The following NDST1 variants were observed in gnomAD, a reference collection of about 807,000 sequenced individuals.
The protein encoded by NDST1 is N-deacetylase and N-sulfotransferase 1.
NDST1 carries 35 observed loss-of-function variants against 92.8 expected under a neutral mutation model. The ratio of observed to expected loss-of-function variants is 0.38; its 90% CI spans 0.29 to 0.50. The LOEUF is 0.50. NDST1 is among the 20% of genes least tolerant of loss of function. The pLI, the probability that NDST1 is intolerant of heterozygous loss-of-function variation, is 0.94. For synonymous variants in NDST1, 493 were observed against 500.3 expected (o/e 0.99, Z 0.19); for missense variants, 822 against 1,182.7 (o/e 0.69, Z 4.47).
intron 1 of NDST1, among the ~76,000 whole-genome samples, chr5:150,516,306 T>G (rs1230447797): frequency 6.6e-6 from 1 of 152,184 alleles, no homozygotes; most frequent in East Asian, 1.9e-4. Flanking sequence ...TGAAAGTGCT[T>G]CGTGAGCTAA....
intron 1 of NDST1, among the ~76,000 whole-genome samples, chr5:150,512,646 A>T (rs1217011035): frequency 6.6e-6 from 1 of 152,160 alleles, no homozygotes; most frequent in East Asian, 1.9e-4. Context: ...TACTAATTTG[A>T]TATGTGGCCT....
intron 2 of NDST1, among the ~76,000 whole-genome samples, chr5:150,524,347 G>A (rs559935147): frequency 3.3e-5 from 5 of 152,224 alleles, no homozygotes; most frequent in East Asian, 3.9e-4. Flanking sequence ...CACTGTGTCC[G>A]TCTTGTGGCC....
At chr5:150,539,958 C>G in intron 7 of NDST1, 124 bp from the exon 8 acceptor site, 1 of 1,337,250 alleles carries the variant, frequency 7.5e-7, no homozygotes, top group Non-Finnish European at 1.1e-6. Flanking sequence ...ACAGCGCCAG[C>G]GTAACTTCCA....
Position 150,520,962 on chromosome 5 carries a change from C to T in NDST1, c.-293C>T, listed in dbSNP as rs1754220124. ...CTGCTGCCCTGCACCCCCAGAAGGCCCTGACGCCCTGGGGCACTTCTGCTC... is the reference window on the plus strand; with the variant it reads ...CTGCTGCCCTGCACCCCCAGAAGGCTCTGACGCCCTGGGGCACTTCTGCTC... On this transcript the variant is annotated 5_prime_UTR_variant, in exon 2 of 15. Coordinates refer to ENST00000261797, the MANE Select transcript of NDST1 (RefSeq NM_001543.5). 3 of 556,934 alleles carry T rather than the reference C, an allele frequency of 5.4e-6. No homozygotes were observed. The highest frequency in any genetic ancestry group is 2.6e-5 in the South Asian group (1 of 38,892). The allele number at this position is 556,934 out of a possible 1,614,324, so 34.5% of individuals were successfully genotyped here.
chr5:150,556,810 C>G lies in NDST1; in HGVS notation c.*3478C>G, dbSNP rs912117728. On this transcript the variant is annotated 3_prime_UTR_variant, in exon 15 of 15. Coordinates refer to ENST00000261797, the MANE Select transcript of NDST1 (RefSeq NM_001543.5). ...ATCCCCCCAATTGTCTCCCAGGTAA[C>G]TTATGTGTCTGGTTTTGGAATCAGC... The G allele has an allele frequency of 6.6e-6, 1 of 152,622 alleles. No homozygotes were observed. The highest frequency in any genetic ancestry group is 2.4e-5 in the African/African-American group (1 of 41,462). The allele number at this position is 152,622 out of a possible 1,614,324, so 9.5% of individuals were successfully genotyped here. A position where few individuals can be genotyped will look rare whatever the true frequency, so the allele number is the denominator to read the frequency against.
At chr5:150,522,095 A>G (rs1163354829) in intron 2 of NDST1, among the ~76,000 whole-genome samples, 2 of 152,112 alleles carry the variant, frequency 1.3e-5, no homozygotes, top group Admixed American at 6.5e-5. Context: ...TGTCAAGGCA[A>G]TCTCCCCTAG....
chr5:150,532,976 C>T lies in NDST1; in HGVS notation c.1040C>T (p.Ala347Val). The change falls in exon 4 of 15, where the codon GCA becomes GTA. Residue 347 changes from alanine (A) to valine (V), a missense_variant. Coordinates refer to ENST00000261797, the MANE Select transcript of NDST1 (RefSeq NM_001543.5). ...TTTGACACACAGAACGAACTACGCGCACACATCCCAAACTTCACCTTCAAC... is the reference window on the plus strand; with the variant it reads ...TTTGACACACAGAACGAACTACGCGTACACATCCCAAACTTCACCTTCAAC... ...ALFDTQNELR[A>V]HIPNFTFNLG... The T allele has an allele frequency of 6.2e-7, 1 of 1,614,206 alleles. No homozygotes were observed.
chr5:150,543,088 T>G, intron 10 of NDST1, 117 bp downstream of exon 10: 1 of 1,369,952 alleles, frequency 7.3e-7, no homozygotes, highest in Non-Finnish European at 1.0e-6. Context: ...CTGTCATTCC[T>G]GTAAACAGGG....
chr5:150,535,328 A>T, intron 5 of NDST1: 4 of 985,406 alleles, frequency 4.1e-6, no homozygotes, highest in Non-Finnish European at 4.8e-6. Flanking sequence ...GAGGCTCTGG[A>T]AAGCTGGAAG....
chr5:150,550,744 A>C (rs1412551226), intron 13 of NDST1: 1 of 152,240 alleles, frequency 6.6e-6, no homozygotes, highest in African/African-American at 2.4e-5. Context: ...AGAAGGGGCC[A>C]CCTGCTGAGG....
upstream of NDST1, among the ~76,000 whole-genome samples, chr5:150,507,258 A>G (rs1753500591): frequency 6.6e-6 from 1 of 151,340 alleles, no homozygotes; most frequent in Admixed American, 6.7e-5. Flanking sequence ...CCCCACGTAT[A>G]AACATACCTT....
At chr5:150,549,255 G>A (rs1755620808) in intron 12 of NDST1, among the ~76,000 whole-genome samples, 2 of 152,076 alleles carry the variant, frequency 1.3e-5, no homozygotes, top group Admixed American at 6.6e-5. Flanking sequence ...CAAGTCCTCT[G>A]CCCACCCCAG....
intron 1 of NDST1, among the ~76,000 whole-genome samples, chr5:150,513,211 C>A (rs560102522): frequency 5.3e-4 from 80 of 152,168 alleles, no homozygotes; most frequent in African/African-American, 1.9e-3. Flanking sequence ...TGAAAATATG[C>A]TGGGCACAGT....
chr5:150,515,429 T>C (rs1471764812), intron 1 of NDST1, among the ~76,000 whole-genome samples: 1 of 152,212 alleles, frequency 6.6e-6, no homozygotes, highest in African/African-American at 2.4e-5. Context: ...TCCAGGGTCC[T>C]GGTTTTCAGC....
chr5:150,519,250 G>A (rs1581362291), intron 1 of NDST1, among the ~76,000 whole-genome samples: 1 of 152,236 alleles, frequency 6.6e-6, no homozygotes, highest in Non-Finnish European at 1.5e-5. Flanking sequence ...CCCATGCTGA[G>A]CACATCATAT....
At chr5:150,538,501 G>T (rs895137136) in intron 6 of NDST1, among the ~76,000 whole-genome samples, 2 of 152,248 alleles carry the variant, frequency 1.3e-5, no homozygotes, top group African/African-American at 2.4e-5. Flanking sequence ...CATACTCTGG[G>T]CTTAGAATAG....
chr5:150,521,664 T>G lies in NDST1; in HGVS notation c.410T>G (p.Ile137Ser). 2 of 1,614,048 alleles carry G rather than the reference T, an allele frequency of 1.2e-6. No homozygotes were observed. The highest frequency in any genetic ancestry group is 1.7e-6 in the Non-Finnish European group (2 of 1,180,030). The change falls in exon 2 of 15, where the codon ATC becomes AGC. Residue 137 changes from isoleucine to serine, a missense_variant. Ile to Ser is a moderately radical substitution (Grantham distance 142, BLOSUM62 -2). Transcript: ENST00000261797. This position sits in a 1 kb window ranked among gnomAD's most constrained non-coding sequence, Gnocchi z 5.9. ...GGCCGTGGCCGCTTCGCCCTCATCA[T>G]CTATGAGAACATCCTCAAGTATGTC... The part of the protein sequence containing the change: ...DKGRGRFALI[I>S]YENILKYVNL...
chr5:150,521,130 G>T lies in NDST1; in HGVS notation c.-125G>T. On this transcript the variant is annotated 5_prime_UTR_variant, in exon 2 of 15. Transcript: ENST00000261797. The surrounding 1 kb of genome is among the most constrained non-coding windows in gnomAD (Gnocchi z 5.9). ...CCTCCACTCCCAGTGCCCCACAAGG[G>T]CGTCGCTTCCTAAGTCTCTGTGAAT... 1 of 850,478 alleles carries T rather than the reference G, an allele frequency of 1.2e-6. No homozygotes were observed. The highest frequency in any genetic ancestry group is 1.8e-6 in the Non-Finnish European group (1 of 556,112). The allele number at this position is 850,478 out of a possible 1,614,324, so 52.7% of individuals were successfully genotyped here.
rs773177368 is a variant in NDST1 at position 150,540,252 on chromosome 5, C to T, written c.1737C>T (p.Asp579=). Residue 579 remains aspartate, a synonymous_variant, in exon 8 of 15, where the codon GAC becomes GAT. Coordinates refer to ENST00000261797, the MANE Select transcript of NDST1 (RefSeq NM_001543.5). ...KYFQIFSEEK[D]PLWQDPCEDK... ...TCCAGATCTTCTCCGAGGAGAAGGA[C>T]CCGCTCTGGCAGGTGGGGGGCTGGG... 1 of 1,606,854 alleles carries T rather than the reference C, an allele frequency of 6.2e-7. No individual in the cohort carries two copies. The highest frequency in any genetic ancestry group is 8.5e-7 in the Non-Finnish European group (1 of 1,175,062).
Sources: gnomAD v4.1 joint callset for allele counts (sites outside exome capture counted in the v4.1 genomes callset) on GRCh38, gnomAD v4.1.1 for gene constraint, Gnocchi (gnomAD v3.1) non-coding constraint, MANE v1.5 for transcripts, NCBI Gene and HGNC (gene_info 2026-07-23, HGNC 2026-07-21) for gene names.